Variants in ZNF180 observed in about 807,000 individuals in gnomAD.
ZNF180 encodes the protein zinc finger protein 180 (HHZ168).
In ZNF180, 11 loss-of-function variants were observed where a neutral mutation model predicts 11.8. The observed-to-expected ratio is 0.93, with a 90% confidence interval of 0.59 to 1.55. The LOEUF is 1.55. Among genes scored for constraint, ZNF180 ranks in the 40% most tolerant of loss-of-function variants. The pLI, the probability that ZNF180 is intolerant of heterozygous loss-of-function variation, is 0.00. For missense variants in ZNF180, 773 were observed against 781.7 expected, an observed-to-expected ratio of 0.99 and a Z score of 0.13; for synonymous variants, 287 against 257.7, an observed-to-expected ratio of 1.11 and a Z score of -1.09.
chr19:44,493,420 C>A (rs775191610), intron 2 of ZNF180, among the ~76,000 whole-genome samples: 16 of 152,228 alleles, frequency 1.1e-4, no homozygotes, highest in Non-Finnish European at 1.9e-4. Flanking sequence ...TCGTTCAAAG[C>A]AAAGACTTTG....
rs777539374 is a variant in ZNF180 at position 44,477,644 on chromosome 19, A to T, written c.756T>A (p.Ile252=). ...KDKSYGFSDR[I]QSFCHGTPLH... ...GGGGTGTACCATGGCAAAAAGATTG[A>T]ATACGGTCACTAAATCCATAGGATT... Residue 252 remains isoleucine, a synonymous_variant, in exon 5 of 5, where the codon ATT becomes ATA. Coordinates refer to ENST00000592529, the MANE Select transcript of ZNF180 (RefSeq NM_001278509.3). 1 of 1,613,988 alleles carries T rather than the reference A, an allele frequency of 6.2e-7. No homozygotes were observed. Among genetic ancestry groups the T allele is most frequent in the Non-Finnish European group, 8.5e-7 (1 of 1,179,940 alleles).
chr19:44,498,619 C>T (rs377342613), intron 1 of ZNF180, among the ~76,000 whole-genome samples: 36 of 152,168 alleles, frequency 2.4e-4, no homozygotes, highest in African/African-American at 8.0e-4. Flanking sequence ...CTGTCTAAAA[C>T]TCATCTCCGG....
rs1159021575 is a variant in ZNF180, at chr19:44,475,922, A to G, written c.*480T>C. ...CAAGTGCTGTAAGGAACAGATTACA[A>G]GCTATCTAATTGGAAGATCATGTAG... On this transcript the variant is annotated 3_prime_UTR_variant, in exon 5 of 5. Coordinates refer to ENST00000592529, the MANE Select transcript of ZNF180 (RefSeq NM_001278509.3). The G allele has an allele frequency of 6.5e-6, 1 of 153,556 alleles. No homozygotes were observed. The highest frequency in any genetic ancestry group is 1.9e-4 in the East Asian group (1 of 5,226). The allele number at this position is 153,556 out of a possible 1,614,324, so 9.5% of individuals were successfully genotyped here.
intron 2 of ZNF180, among the ~76,000 whole-genome samples, chr19:44,489,121 CCCGG>C (rs1970344897): frequency 1.4e-5 from 2 of 142,582 alleles, no homozygotes; most frequent in East Asian, 2.2e-4. Flanking sequence ...CAGCCTCCCG[CCCGG>C]CCAGCCGCCC....
chr19:44,476,342 TTAAAA>T lies in ZNF180; in HGVS notation c.*55_*59del. 1.4e-6 allele frequency: 2 copies of T among 1,471,640 alleles called. No individual in the cohort carries two copies. Among genetic ancestry groups the T allele is most frequent in the Non-Finnish European group, 1.8e-6 (2 of 1,102,134 alleles). The allele number at this position is 1,471,640 out of a possible 1,614,324, so 91.2% of individuals were successfully genotyped here. A position where few individuals can be genotyped will look rare whatever the true frequency, so the allele number is the denominator to read the frequency against. ...AGTTCTTCCAACTACATGTACTACC[TTAAAA>T]TAAATTTTTTAAAAGAATGAAATAA... On this transcript the variant is annotated 3_prime_UTR_variant, in exon 5 of 5. Coordinates refer to ENST00000592529, the MANE Select transcript of ZNF180 (RefSeq NM_001278509.3).
chr19:44,496,541 T>C (rs1450525442), intron 2 of ZNF180: 1 of 151,452 alleles, frequency 6.6e-6, no homozygotes, highest in Non-Finnish European at 1.5e-5. Flanking sequence ...GGCTTGGTGG[T>C]GCCCACCTGT....
At chr19:44,498,083 C>G (rs902089677) in intron 1 of ZNF180, among the ~76,000 whole-genome samples, 62 of 152,290 alleles carry the variant, frequency 4.1e-4, no homozygotes, top group African/African-American at 1.3e-3. Context: ...GATTCCCACC[C>G]TAACACCCTC....
chr19:44,497,299 CGGGGGCTCT>C lies in ZNF180; in HGVS notation c.27_35del (p.Glu10_Pro12del). On this transcript the variant is annotated inframe_deletion, in exon 2 of 5. Coordinates refer to ENST00000592529, the MANE Select transcript of ZNF180 (RefSeq NM_001278509.3). The stretch of plus-strand genomic sequence containing the variant: ...CTCCACTCACCTGTGCACAGACCTT[CGGGGGCTCT>C]GGGGGCTTCTCATCCTGCTCTTCCA... The C allele has an allele frequency of 6.3e-7, 1 of 1,593,588 alleles. No homozygotes were observed.
At chr19:44,479,528 T>C (rs1970025162) in intron 3 of ZNF180, 119 bp from the exon 4 acceptor site, 5 of 1,386,886 alleles carry the variant, frequency 3.6e-6, no homozygotes, top group South Asian at 1.2e-5. Context: ...TGTCCTTAAA[T>C]TGTCAGTGCC....
chr19:44,484,567 C>T (rs1319099169), intron 2 of ZNF180, 132 bp from the exon 3 acceptor site: 3 of 677,384 alleles, frequency 4.4e-6, no homozygotes, highest in Non-Finnish European at 8.0e-6. Flanking sequence ...CATATTTCTC[C>T]TCCCTCCTCC....
In ZNF180 at chr19:44,476,329, T is replaced by C; in HGVS notation, c.*73A>G. ...TTGTTTTTATAGTAGTTCTTCCAAC[T>C]ACATGTACTACCTTAAAATAAATTT... On this transcript the variant is annotated 3_prime_UTR_variant, in exon 5 of 5. Coordinates refer to ENST00000592529, the MANE Select transcript of ZNF180 (RefSeq NM_001278509.3). 3 of 1,384,340 alleles carry C rather than the reference T, an allele frequency of 2.2e-6. No individual in the cohort carries two copies. The Admixed American group carries it at 7.2e-5, about 33-fold the overall frequency. The allele number at this position is 1,384,340 out of a possible 1,614,324, so 85.8% of individuals were successfully genotyped here.
intron 2 of ZNF180, among the ~76,000 whole-genome samples, chr19:44,496,340 A>G (rs1047037340): frequency 6.6e-6 from 1 of 152,050 alleles, no homozygotes; most frequent in Non-Finnish European, 1.5e-5. Flanking sequence ...TTTTTACCTT[A>G]AAGTGTACTG....
intron 2 of ZNF180, among the ~76,000 whole-genome samples, chr19:44,485,569 C>CATTA (rs1171508311): frequency 6.6e-6 from 1 of 152,202 alleles, no homozygotes; most frequent in African/African-American, 2.4e-5. Context: ...CAGTCACAGT[C>CATTA]ATTAGTCTGT....
intron 2 of ZNF180, among the ~76,000 whole-genome samples, chr19:44,491,090 C>T (rs1205028987): frequency 6.6e-6 from 1 of 152,208 alleles, no homozygotes; most frequent in East Asian, 1.9e-4. Flanking sequence ...TCACTACTGA[C>T]ACATAGCAGG....
At chr19:44,497,469 G>T in intron 1 of ZNF180, 92 bp from the exon 2 acceptor site, 3 of 1,287,680 alleles carry the variant, frequency 2.3e-6, no homozygotes, top group Non-Finnish European at 3.1e-6. Context: ...CAGGATGCAG[G>T]ATGCATTCCC....
chr19:44,497,311 G>A lies in ZNF180; in HGVS notation c.24C>T (p.Pro8=). 5 of 1,595,706 alleles carry A rather than the reference G, an allele frequency of 3.1e-6. No homozygotes were observed. The highest frequency in any genetic ancestry group is 4.3e-6 in the Non-Finnish European group (5 of 1,173,980). Residue 8 remains proline, a synonymous_variant, in exon 2 of 5, where the codon CCC becomes CCT. Transcript: ENST00000592529. ...GTGCACAGACCTTCGGGGGCTCTGG[G>A]GGCTTCTCATCCTGCTCTTCCATGC... MEEQDEK[P]PEPPKVCAQD...
At chr19:44,496,711 A>G (rs968488005) in intron 2 of ZNF180, 8 of 151,694 alleles carry the variant, frequency 5.3e-5, no homozygotes, top group Non-Finnish European at 1.2e-4. Flanking sequence ...GAAAGAAAAG[A>G]AAAAGAAAAT....
intron 3 of ZNF180, among the ~76,000 whole-genome samples, chr19:44,482,977 C>G (rs754462897): frequency 2.2e-4 from 33 of 152,356 alleles, no homozygotes; most frequent in Non-Finnish European, 4.4e-4. Flanking sequence ...TCTGAAGCTG[C>G]TCTTCATCAG....
chr19:44,498,340 C>T (rs1568439189), intron 1 of ZNF180, among the ~76,000 whole-genome samples: 1 of 152,130 alleles, frequency 6.6e-6, no homozygotes, highest in Admixed American at 6.5e-5. Context: ...ACCCTCTGCA[C>T]TCCATCTCTC....
Sources: gnomAD v4.1 joint callset for allele counts (sites outside exome capture counted in the v4.1 genomes callset) on GRCh38, gnomAD v4.1.1 for gene constraint, MANE v1.5 for transcripts, NCBI Gene and HGNC (gene_info 2026-07-23, HGNC 2026-07-21) for gene names.